The following ATP9A variants were observed in gnomAD, a reference collection of about 807,000 sequenced individuals.
ATP9A encodes the protein ATPase phospholipid transporting 9A, also known as probable phospholipid-transporting ATPase IIA.
ATP9A carries 52 observed loss-of-function variants against 144.1 expected under a neutral mutation model. The ratio of observed to expected loss-of-function variants is 0.36; its 90% CI spans 0.29 to 0.45. ATP9A has a LOEUF of 0.45. Ranked by LOEUF, ATP9A falls within the 20% of genes least tolerant of loss-of-function variation. The pLI, the probability that ATP9A is intolerant of heterozygous loss-of-function variation, is 1.00. For synonymous variants in ATP9A, 582 were observed against 557.4 expected, an observed-to-expected ratio of 1.04 and a Z score of -0.62; for missense variants, 947 against 1,392.7, an observed-to-expected ratio of 0.68 and a Z score of 5.09.
chr20:51,638,692 G>A (rs2077305787), intron 15 of ATP9A, among the ~76,000 whole-genome samples: 2 of 152,064 alleles, frequency 1.3e-5, no homozygotes, highest in Non-Finnish European at 2.9e-5. Context: ...GTGAAACCCT[G>A]TATCTATAAA....
intron 15 of ATP9A, among the ~76,000 whole-genome samples, chr20:51,637,325 A>G (rs1368227179): frequency 6.6e-6 from 1 of 150,588 alleles, no homozygotes; most frequent in Non-Finnish European, 1.5e-5. Flanking sequence ...AAAAAAAAAA[A>G]AAAAGACAAC....
At chr20:51,654,565 T>TA (rs2077379717) in intron 14 of ATP9A, among the ~76,000 whole-genome samples, 2 of 151,660 alleles carry the variant, frequency 1.3e-5, no homozygotes, top group Admixed American at 6.6e-5. Context: ...CCATGAGCCT[T>TA]ATGCTCATTT....
intron 1 of ATP9A, 135 bp downstream of exon 1, chr20:51,768,167 G>C (rs2077913859): frequency 2.6e-6 from 1 of 383,424 alleles, no homozygotes; most frequent in East Asian, 6.0e-5. Context: ...CCACCTCCCC[G>C]CCTCCCCAGC....
intron 9 of ATP9A, among the ~76,000 whole-genome samples, chr20:51,684,251 G>A (rs563325639): frequency 1.3e-5 from 2 of 152,236 alleles, no homozygotes; most frequent in East Asian, 3.9e-4. Context: ...AAAAACAAAT[G>A]AGACCAAGTG....
At chr20:51,716,767 T>C (rs1012385154) in intron 3 of ATP9A, among the ~76,000 whole-genome samples, 6 of 152,248 alleles carry the variant, frequency 3.9e-5, no homozygotes, top group Non-Finnish European at 7.3e-5. Flanking sequence ...TGAAGCATTT[T>C]TACTTGCAGT....
intron 14 of ATP9A, among the ~76,000 whole-genome samples, chr20:51,649,484 G>A (rs1341371570): frequency 1.3e-5 from 2 of 152,192 alleles, no homozygotes; most frequent in Non-Finnish European, 2.9e-5. Flanking sequence ...GTATTCAATA[G>A]GTGATCATTT....
intron 1 of ATP9A, among the ~76,000 whole-genome samples, chr20:51,754,014 AATT>A (rs1489638971): frequency 6.6e-6 from 1 of 151,654 alleles, no homozygotes; most frequent in Non-Finnish European, 1.5e-5. Context: ...CTCATTTTTC[AATT>A]AGAGGAAAAC....
In ATP9A at chr20:51,676,668, G is replaced by A. The variant is rs190148601; in HGVS notation, c.800-460C>T. Among the ~76,000 whole-genome samples the A allele has an allele frequency of 1.2e-3, 187 of 152,160 alleles. 1 individual carries two copies. The highest frequency in any genetic ancestry group is 4.1e-3 in the Admixed American group (63 of 15,264). On this transcript the variant is annotated intron_variant, in intron 9 of 27. Coordinates refer to ENST00000338821, the MANE Select transcript of ATP9A (RefSeq NM_006045.3). The stretch of plus-strand genomic sequence containing the variant: ...TAATTTTTGTATTTTTAGTAGATAC[G>A]GGGTTTCACCATGTAGGCCAGGCTG...
At chr20:51,620,950 C>A (rs1007972057) in intron 19 of ATP9A, among the ~76,000 whole-genome samples, 7 of 151,928 alleles carry the variant, frequency 4.6e-5, no homozygotes, top group Admixed American at 1.3e-4. Flanking sequence ...GGGTTCGAGA[C>A]CAGCCTGGCC....
At chr20:51,620,647 G>T (rs2077222969) in intron 19 of ATP9A, among the ~76,000 whole-genome samples, 1 of 151,968 alleles carries the variant, frequency 6.6e-6, no homozygotes, top group South Asian at 2.1e-4. Context: ...GGAAGTTCAA[G>T]TTCCAGAAAA....
At chr20:51,617,778 T>C (rs980539165) in intron 21 of ATP9A, among the ~76,000 whole-genome samples, 1 of 152,188 alleles carries the variant, frequency 6.6e-6, no homozygotes, top group African/African-American at 2.4e-5. Context: ...GTCCCGGCAC[T>C]GAGCAGCAGC....
chr20:51,725,729 T>C, intron 3 of ATP9A, 90 bp downstream of exon 3: 1 of 890,838 alleles, frequency 1.1e-6, no homozygotes, highest in East Asian at 2.4e-5. Context: ...AAGGCCACCA[T>C]CCCATTCCAG....
chr20:51,620,352 A>G (rs1222440140), intron 19 of ATP9A, among the ~76,000 whole-genome samples: 1 of 152,238 alleles, frequency 6.6e-6, no homozygotes, highest in East Asian at 1.9e-4. Context: ...CATTATTCAT[A>G]GTAGCTATGT....
rs11478096 is a variant in ATP9A, at chr20:51,680,225, T to TAA, written c.800-4019_800-4018dup. Among the ~76,000 whole-genome samples the TAA allele has an allele frequency of 9.1e-3, 1,121 of 123,362 alleles. 18 individuals are homozygous for TAA. Among genetic ancestry groups the TAA allele is most frequent in the African/African-American group, 0.032 (994 of 31,182 alleles). The allele number at this position is 123,362 out of a possible 152,430, so 80.9% of individuals were successfully genotyped here. A position where few individuals can be genotyped will look rare whatever the true frequency, so the allele number is the denominator to read the frequency against. On this transcript the variant is annotated intron_variant, in intron 9 of 27. Transcript: ENST00000338821. The stretch of plus-strand genomic sequence containing the variant: ...AGCCTGAGCGACAGTGAGACTGTCT[T>TAA]AAAAAAAAAAAAAAAAAAAAACTTG...
intron 13 of ATP9A, among the ~76,000 whole-genome samples, chr20:51,663,069 C>G (rs2077417592): frequency 6.6e-6 from 1 of 151,790 alleles, no homozygotes. Flanking sequence ...AAAACTCCAT[C>G]TCAAAAAAAA....
At chr20:51,759,550 G>A (rs925953236) in intron 1 of ATP9A, among the ~76,000 whole-genome samples, 1 of 151,984 alleles carries the variant, frequency 6.6e-6, no homozygotes, top group Non-Finnish European at 1.5e-5. Context: ...GCGGGTGCCT[G>A]TAATCCCATG....
intron 15 of ATP9A, among the ~76,000 whole-genome samples, chr20:51,630,884 G>A (rs562070375): frequency 2.0e-5 from 3 of 152,172 alleles, no homozygotes; most frequent in East Asian, 3.9e-4. Context: ...CTCCTGGAAG[G>A]TGCCCGTAAT....
intron 14 of ATP9A, among the ~76,000 whole-genome samples, chr20:51,655,227 G>A (rs1190304616): frequency 6.6e-6 from 1 of 152,060 alleles, no homozygotes; most frequent in Non-Finnish European, 1.5e-5. Flanking sequence ...TGATAAAATA[G>A]TAAGTGAAAA....
intron 23 of ATP9A, among the ~76,000 whole-genome samples, chr20:51,612,476 G>T (rs761743259): frequency 3.3e-5 from 5 of 152,226 alleles, no homozygotes; most frequent in Non-Finnish European, 5.9e-5. Context: ...CCAGGCTGGA[G>T]TGCAGTGGCG....
Sources: allele counts gnomAD v4.1 joint callset (sites outside exome capture counted in the v4.1 genomes callset), GRCh38; gene constraint gnomAD v4.1.1; transcripts MANE v1.5; gene names NCBI Gene and HGNC (gene_info 2026-07-23, HGNC 2026-07-21).